PEBP4: variants seen among roughly 807,000 people sequenced by gnomAD.
The protein encoded by PEBP4 is phosphatidylethanolamine-binding protein 4.
PEBP4 carries 22 observed loss-of-function variants against 23.9 expected under a neutral mutation model. The observed-to-expected ratio is 0.92, with a 90% CI of 0.66 to 1.31. The LOEUF (loss-of-function observed/expected upper bound fraction) is 1.31. PEBP4 is among the 40% of genes most tolerant of loss of function. The pLI is 0.00. For missense variants in PEBP4, 324 were observed against 281.7 expected (o/e 1.15, Z -1.07); for synonymous variants, 112 against 99.3 (o/e 1.13, Z -0.76).
chr8:22,909,404 C>A (rs1420611037), intron 3 of PEBP4, among the ~76,000 whole-genome samples: 1 of 152,180 alleles, frequency 6.6e-6, no homozygotes, highest in Non-Finnish European at 1.5e-5. Context: ...GCAGACCTAA[C>A]CCGCAGTAAA....
chr8:22,755,228 A>G (rs554137000), intron 4 of PEBP4, among the ~76,000 whole-genome samples: 4 of 150,328 alleles, frequency 2.7e-5, no homozygotes, highest in East Asian at 4.0e-4. Context: ...CTGGCTTTCT[A>G]TTATCTAGCG....
chr8:22,920,392 G>A, intron 2 of PEBP4, 82 bp from the exon 3 acceptor site: 1 of 1,447,788 alleles, frequency 6.9e-7, no homozygotes, highest in East Asian at 2.3e-5. Context: ...TAGCACTATT[G>A]GGAATGTAAA....
intron 3 of PEBP4, among the ~76,000 whole-genome samples, chr8:22,859,379 C>T (rs1459831830): frequency 6.6e-6 from 1 of 152,184 alleles, no homozygotes; most frequent in Non-Finnish European, 1.5e-5. Context: ...GCTGGAATCT[C>T]ATTAGTTTCC....
intron 4 of PEBP4, among the ~76,000 whole-genome samples, chr8:22,801,150 G>C (rs1806373042): frequency 6.6e-6 from 1 of 152,150 alleles, no homozygotes; most frequent in Non-Finnish European, 1.5e-5. Context: ...TTAACCCTGT[G>C]GTTAATTAAC....
intron 3 of PEBP4, among the ~76,000 whole-genome samples, chr8:22,859,222 C>T (rs1183950519): frequency 6.6e-6 from 1 of 152,160 alleles, no homozygotes; most frequent in African/African-American, 2.4e-5. Flanking sequence ...CATCAGACTC[C>T]CCCCGTGGAG....
At chr8:22,743,483 C>A (rs568985212) in intron 4 of PEBP4, among the ~76,000 whole-genome samples, 31 of 152,330 alleles carry the variant, frequency 2.0e-4, no homozygotes, top group Middle Eastern at 3.4e-3. Flanking sequence ...CCAGAAGGGA[C>A]CATCCTGGGG....
chr8:22,719,496 C>G (rs1487466174), intron 6 of PEBP4, among the ~76,000 whole-genome samples: 1 of 151,860 alleles, frequency 6.6e-6, no homozygotes, highest in Non-Finnish European at 1.5e-5. Flanking sequence ...GTGGACCATT[C>G]TGGGCAGCTG....
At chr8:22,777,913 C>T (rs936645895) in intron 4 of PEBP4, among the ~76,000 whole-genome samples, 3 of 152,158 alleles carry the variant, frequency 2.0e-5, no homozygotes, top group South Asian at 2.1e-4. Flanking sequence ...TTGGCTCCTT[C>T]GTTACAGCCC....
intron 3 of PEBP4, among the ~76,000 whole-genome samples, chr8:22,874,661 T>A (rs557238993): frequency 6.6e-6 from 1 of 152,222 alleles, no homozygotes; most frequent in Non-Finnish European, 1.5e-5. Context: ...ACCAGTTGCA[T>A]ATAGTTCAAT....
At chr8:22,930,368 C>T (rs985202750), upstream of PEBP4, among the ~76,000 whole-genome samples, 1 of 152,122 alleles carries the variant, frequency 6.6e-6, no homozygotes, top group Admixed American at 6.5e-5. Context: ...CTGCTTTCTT[C>T]ATTATTCTCA....
At chr8:22,734,442 C>T (rs930530364) in intron 4 of PEBP4, among the ~76,000 whole-genome samples, 1 of 152,116 alleles carries the variant, frequency 6.6e-6, no homozygotes, top group African/African-American at 2.4e-5. Flanking sequence ...TGTAGGATGG[C>T]CAATTATTTT....
At chr8:22,895,371 C>T (rs997219010) in intron 3 of PEBP4, 2 of 152,208 alleles carry the variant, frequency 1.3e-5, no homozygotes, top group Non-Finnish European at 2.9e-5. Context: ...CCCACATACC[C>T]TCCTTCACTC....
intron 4 of PEBP4, among the ~76,000 whole-genome samples, chr8:22,752,697 G>C (rs1805294257): frequency 6.6e-6 from 1 of 152,232 alleles, no homozygotes; most frequent in African/African-American, 2.4e-5. Flanking sequence ...TTGTTCTGGG[G>C]GCTCATTTCT....
At chr8:22,916,048 G>C (rs1031912217) in intron 3 of PEBP4, among the ~76,000 whole-genome samples, 5 of 152,226 alleles carry the variant, frequency 3.3e-5, no homozygotes, top group East Asian at 1.9e-4. Flanking sequence ...GACCCAGGTG[G>C]ATAGGGCACT....
chr8:22,764,171 C>G (rs1461440734), intron 4 of PEBP4, among the ~76,000 whole-genome samples: 2 of 152,236 alleles, frequency 1.3e-5, no homozygotes, highest in East Asian at 1.9e-4. Flanking sequence ...CTATAGCACC[C>G]ATTACTCAGG....
At chr8:22,721,248 T>C (rs1286168096) in intron 6 of PEBP4, among the ~76,000 whole-genome samples, 3 of 152,176 alleles carry the variant, frequency 2.0e-5, no homozygotes, top group East Asian at 1.9e-4. Flanking sequence ...GGTCATTCAA[T>C]TGCAGATCAA....
chr8:22,799,964 T>C (rs993478673), intron 4 of PEBP4, among the ~76,000 whole-genome samples: 2 of 152,198 alleles, frequency 1.3e-5, no homozygotes, highest in African/African-American at 4.8e-5. Context: ...CAAATGTCCA[T>C]CAATGATAGA....
intron 4 of PEBP4, among the ~76,000 whole-genome samples, chr8:22,749,406 C>T (rs1805198095): frequency 6.6e-6 from 1 of 152,176 alleles, no homozygotes; most frequent in Admixed American, 6.5e-5. Context: ...AACTGTCTTC[C>T]CGGGCTCACG....
At chr8:22,782,930 C>T (rs997236144) in intron 4 of PEBP4, among the ~76,000 whole-genome samples, 9 of 152,214 alleles carry the variant, frequency 5.9e-5, no homozygotes, top group Non-Finnish European at 1.0e-4. Context: ...ACAGGGAAGA[C>T]GACTAGCTCC....
Sources: gnomAD v4.1 joint callset for allele counts (sites outside exome capture counted in the v4.1 genomes callset) on GRCh38, gnomAD v4.1.1 for gene constraint, MANE v1.5 for transcripts, NCBI Gene and HGNC (gene_info 2026-07-23, HGNC 2026-07-21) for gene names.